Variants in TGM6 observed in about 807,000 individuals in gnomAD.
TGM6 encodes the protein protein-glutamine gamma-glutamyltransferase 6.
TGM6 carries 74 observed loss-of-function variants against 77.5 expected under a neutral mutation model. The ratio of observed to expected loss-of-function variants is 0.96; its 90% confidence interval spans 0.79 to 1.16. The LOEUF is 1.16. Ranked by LOEUF, TGM6 falls within the 50% of genes most tolerant of loss-of-function variation. The pLI, the probability that TGM6 is intolerant of heterozygous loss-of-function variation, is 0.00. For synonymous variants in TGM6, 383 were observed against 378.9 expected, an observed-to-expected ratio of 1.01 and a Z score of -0.12; for missense variants, 968 against 940.2, an observed-to-expected ratio of 1.03 and a Z score of -0.39.
intron 1 of TGM6, among the ~76,000 whole-genome samples, chr20:2,382,792 A>G (rs1033927979): frequency 6.6e-6 from 1 of 151,940 alleles, no homozygotes; most frequent in African/African-American, 2.4e-5. Context: ...CCCTCACTCC[A>G]TCCATGGTGG....
intron 1 of TGM6, among the ~76,000 whole-genome samples, chr20:2,387,950 G>A (rs1208778466): frequency 6.6e-6 from 1 of 152,156 alleles, no homozygotes; most frequent in Non-Finnish European, 1.5e-5. Context: ...CTCCAGGTGA[G>A]ATTCTCCGTG....
intron 9 of TGM6, among the ~76,000 whole-genome samples, chr20:2,404,899 C>T (rs2084739364): frequency 6.6e-6 from 1 of 152,324 alleles, no homozygotes; most frequent in Middle Eastern, 3.4e-3. Flanking sequence ...CCTCAGCCTC[C>T]CAAAGTGCTG....
Position 2,393,866 on chromosome 20 carries a change from G to C in TGM6, c.8-586G>C, listed in dbSNP as rs144931956. ...TAAACAGAAACGCACATATAATAAG[G>C]TTATATACTGATCAACTGATGAATA... On this transcript the variant is annotated intron_variant, in intron 1 of 12. Coordinates refer to ENST00000202625, the MANE Select transcript of TGM6 (RefSeq NM_198994.3). Among the ~76,000 whole-genome samples, 3 of 152,216 alleles carry C rather than the reference G, an allele frequency of 2.0e-5. No individual in the cohort carries two copies. In the East Asian group the frequency reaches 5.8e-4, roughly 29 times the overall value.
chr20:2,416,940 A>G (rs1283217280), intron 9 of TGM6, among the ~76,000 whole-genome samples: 1 of 152,028 alleles, frequency 6.6e-6, no homozygotes, highest in East Asian at 1.9e-4. Flanking sequence ...CCTCCTAGAG[A>G]AAAAAAATAT....
At chr20:2,411,253 T>C (rs926697923) in intron 9 of TGM6, among the ~76,000 whole-genome samples, 4 of 152,184 alleles carry the variant, frequency 2.6e-5, no homozygotes, top group East Asian at 1.9e-4. Flanking sequence ...TGAATTCAGC[T>C]TACTGATAAA....
intron 12 of TGM6, 37 bp from the exon 13 acceptor site, chr20:2,432,453 A>G (rs2084929519): frequency 1.2e-6 from 2 of 1,612,498 alleles, no homozygotes; most frequent in African/African-American, 2.7e-5. Context: ...TGGCAAGAGG[A>G]CTGACAGTCT....
intron 9 of TGM6, among the ~76,000 whole-genome samples, chr20:2,411,508 TAA>T (rs1391103982): frequency 6.6e-6 from 1 of 151,994 alleles, no homozygotes; most frequent in African/African-American, 2.4e-5. Context: ...CTCAGTCTGA[TAA>T]GTCACCTATA....
At chr20:2,412,087 C>A (rs992757449) in intron 9 of TGM6, among the ~76,000 whole-genome samples, 2 of 152,046 alleles carry the variant, frequency 1.3e-5, no homozygotes, top group Non-Finnish European at 2.9e-5. Flanking sequence ...ACCCAAGTGT[C>A]CATCACTGAA....
chr20:2,431,052 C>A (rs1209430076), intron 12 of TGM6, 25 bp downstream of exon 12: 2 of 1,611,592 alleles, frequency 1.2e-6, no homozygotes, highest in East Asian at 2.2e-5. Context: ...GGGGGGCTGG[C>A]AGGGAATGGG....
In TGM6 at chr20:2,427,701, A is replaced by G. The variant is rs971839431; in HGVS notation, c.1679-2745A>G. On this transcript the variant is annotated intron_variant, in intron 10 of 12. Transcript: ENST00000202625. ...GAATATTATAGACTTCTCTCTAAGC[A>G]CTGCTTTTGCTGCAACCTACAAGTT... is the stretch of plus-strand genomic sequence containing the variant. Among the ~76,000 whole-genome samples, 3 of 152,082 alleles carry G rather than the reference A, an allele frequency of 2.0e-5. No individual in the cohort carries two copies. In the East Asian group the frequency reaches 5.8e-4, roughly 29 times the overall value.
intron 2 of TGM6, 150 bp from the exon 3 acceptor site, chr20:2,395,044 G>A (rs1209340343): frequency 2.3e-6 from 3 of 1,304,248 alleles, no homozygotes; most frequent in Admixed American, 2.1e-5. Context: ...TTGGCCACTG[G>A]CCTTCTTGCT....
chr20:2,419,072 G>T (rs191295257), intron 10 of TGM6, among the ~76,000 whole-genome samples: 2 of 152,194 alleles, frequency 1.3e-5, no homozygotes, highest in Non-Finnish European at 2.9e-5. Context: ...TTTATTAAAT[G>T]TATCCTCTTT....
Position 2,380,972 on chromosome 20 carries a change from GC to G in TGM6, c.5del (p.Ala2GlufsTer43). On this transcript the variant is annotated frameshift_variant and splice_region_variant, in exon 1 of 13. Coordinates refer to ENST00000202625, the MANE Select transcript of TGM6 (RefSeq NM_198994.3). LOFTEE classifies it high-confidence loss of function. The part of the protein sequence containing the change: M[A>X]GIRVTKVDWQ... ...GAGGAGTCCAGCTGGCCTTCACATGGCAGGTAAGTGGGCAGAGCCTGGGGCC... is the reference window on the plus strand; with the variant it reads ...GAGGAGTCCAGCTGGCCTTCACATGGAGGTAAGTGGGCAGAGCCTGGGGCC... The G allele has an allele frequency of 6.2e-7, 1 of 1,608,470 alleles. No homozygotes were observed. Among genetic ancestry groups the G allele is most frequent in the Non-Finnish European group, 8.5e-7 (1 of 1,178,578 alleles).
intron 1 of TGM6, among the ~76,000 whole-genome samples, chr20:2,389,414 C>T (rs1371868307): frequency 6.6e-6 from 1 of 152,152 alleles, no homozygotes; most frequent in Admixed American, 6.5e-5. Context: ...GAGCTCTGCC[C>T]AAATTCCTGA....
intron 4 of TGM6, among the ~76,000 whole-genome samples, chr20:2,397,073 T>C (rs1568657340): frequency 6.6e-6 from 1 of 152,136 alleles, no homozygotes; most frequent in Non-Finnish European, 1.5e-5. Context: ...AGATAAGTAG[T>C]TCCAATACCA....
chr20:2,383,135 A>C (rs2084567491), intron 1 of TGM6, among the ~76,000 whole-genome samples: 1 of 152,192 alleles, frequency 6.6e-6, no homozygotes, highest in South Asian at 2.1e-4. Flanking sequence ...TCGATAAATC[A>C]TTTAGTCATG....
rs1366535367 is a variant in TGM6 at position 2,403,424 on chromosome 20, G to T, written c.1017G>T (p.Trp339Cys). The change falls in exon 8 of 13, where the codon TGG becomes TGT. Residue 339 changes from tryptophan to cysteine, a missense_variant. Trp to Cys is a radical substitution (Grantham distance 215). Transcript: ENST00000202625. Reference protein sequence around the residue: ...MWNFHVWNESWFARQDLGPSY... With the variant: ...MWNFHVWNESCFARQDLGPSY... ...ATTTCCATGTCTGGAATGAGAGCTG[G>T]TTTGCCCGGCAGGACCTAGGCCCCT... 20 of 1,614,150 alleles carry T rather than the reference G, an allele frequency of 1.2e-5. No individual in the cohort carries two copies. Among genetic ancestry groups the T allele is most frequent in the Non-Finnish European group, 1.7e-5 (20 of 1,180,042 alleles).
At chr20:2,402,126 C>G (rs1036826778) in intron 7 of TGM6, among the ~76,000 whole-genome samples, 3 of 152,038 alleles carry the variant, frequency 2.0e-5, no homozygotes, top group African/African-American at 7.2e-5. Flanking sequence ...CACACCTCCC[C>G]AGCTACTGGG....
chr20:2,397,888 GC>G (rs1568657674), intron 4 of TGM6, 29 bp from the exon 5 acceptor site: 4 of 1,614,104 alleles, frequency 2.5e-6, no homozygotes, highest in Non-Finnish European at 3.4e-6. Context: ...ACTGAACGCA[GC>G]CTCTAAGCAC....
Sources: gnomAD v4.1 joint callset for allele counts (sites outside exome capture counted in the v4.1 genomes callset) on GRCh38, gnomAD v4.1.1 for gene constraint, MANE v1.5 for transcripts, NCBI Gene and HGNC (gene_info 2026-07-23, HGNC 2026-07-21) for gene names.